NKAIN3: variants seen among roughly 807,000 people sequenced by gnomAD.
The protein encoded by NKAIN3 is sodium/potassium transporting ATPase interacting 3.
In NKAIN3, 25 loss-of-function variants were observed where a neutral mutation model predicts 30.2. The observed-to-expected ratio is 0.83, with a 90% CI of 0.60 to 1.16. The LOEUF is 1.16. NKAIN3 is among the 50% of genes most tolerant of loss of function. The pLI is 0.00. For missense variants in NKAIN3, 225 were observed against 254.1 expected (o/e 0.89, Z 0.78); for synonymous variants, 91 against 89.6 (o/e 1.02, Z -0.09).
intron 1 of NKAIN3, among the ~76,000 whole-genome samples, chr8:62,532,515 T>G (rs1393100810): frequency 1.3e-5 from 2 of 152,222 alleles, no homozygotes; most frequent in Non-Finnish European, 2.9e-5. Context: ...GCTAATCTCT[T>G]TAAGAATTGA....
At chr8:62,609,019 T>C (rs1811208991) in intron 3 of NKAIN3, among the ~76,000 whole-genome samples, 1 of 152,074 alleles carries the variant, frequency 6.6e-6, no homozygotes, top group African/African-American at 2.4e-5. Context: ...CTTTGACTTT[T>C]GTTGCAAACA....
chr8:62,527,260 A>G (rs553521584), intron 1 of NKAIN3, among the ~76,000 whole-genome samples: 9 of 152,276 alleles, frequency 5.9e-5, no homozygotes, highest in African/African-American at 2.2e-4. Context: ...AGCTTTCTAA[A>G]TGGAGCAGAC....
At chr8:62,510,418 C>CATCATTCTT (rs1209726723) in intron 1 of NKAIN3, among the ~76,000 whole-genome samples, 1 of 152,096 alleles carries the variant, frequency 6.6e-6, no homozygotes, top group Non-Finnish European at 1.5e-5. Flanking sequence ...TCTTCCACTC[C>CATCATTCTT]ATCATTCTTA....
chr8:62,426,939 C>T (rs905436130), intron 1 of NKAIN3, among the ~76,000 whole-genome samples: 1 of 152,006 alleles, frequency 6.6e-6, no homozygotes, highest in African/African-American at 2.4e-5. Flanking sequence ...GGTAATATCA[C>T]ACTGGATCCT....
intron 3 of NKAIN3, among the ~76,000 whole-genome samples, chr8:62,629,560 C>T (rs931088796): frequency 6.6e-6 from 1 of 152,018 alleles, no homozygotes; most frequent in Non-Finnish European, 1.5e-5. Context: ...TCACCAAGAA[C>T]AATATTGGCA....
intron 4 of NKAIN3, among the ~76,000 whole-genome samples, chr8:62,888,029 G>T (rs1057080058): frequency 6.6e-6 from 1 of 152,178 alleles, no homozygotes; most frequent in African/African-American, 2.4e-5. Context: ...GTAAGGTGTA[G>T]GGGGAAGTGA....
chr8:62,805,096 G>A (rs1818224952), intron 4 of NKAIN3, among the ~76,000 whole-genome samples: 1 of 152,106 alleles, frequency 6.6e-6, no homozygotes, highest in Non-Finnish European at 1.5e-5. Flanking sequence ...ACCTACAAGG[G>A]ACGTGAAGGA....
intron 3 of NKAIN3, among the ~76,000 whole-genome samples, chr8:62,600,742 T>G (rs1382350317): frequency 6.6e-6 from 1 of 152,058 alleles, no homozygotes; most frequent in Non-Finnish European, 1.5e-5. Flanking sequence ...AGCACCTTAT[T>G]GTCCTCTTTT....
At chr8:62,418,073 A>G (rs1804508324) in intron 1 of NKAIN3, among the ~76,000 whole-genome samples, 1 of 152,178 alleles carries the variant, frequency 6.6e-6, no homozygotes, top group Non-Finnish European at 1.5e-5. Flanking sequence ...CTCCCCAGTT[A>G]CAGCCCTGAT....
intron 3 of NKAIN3, among the ~76,000 whole-genome samples, chr8:62,697,131 G>T (rs1814181553): frequency 6.6e-6 from 1 of 152,108 alleles, no homozygotes; most frequent in South Asian, 2.1e-4. Flanking sequence ...GACCATTGCA[G>T]CCCCTAATCA....
chr8:62,554,286 C>CA (rs1481660201), intron 1 of NKAIN3, among the ~76,000 whole-genome samples: 5 of 152,158 alleles, frequency 3.3e-5, no homozygotes, highest in Non-Finnish European at 5.9e-5. Context: ...AAGAAACTAA[C>CA]TAGTTCTGAA....
intron 4 of NKAIN3, among the ~76,000 whole-genome samples, chr8:62,868,199 C>T (rs929409212): frequency 7.9e-5 from 12 of 152,196 alleles, no homozygotes; most frequent in African/African-American, 2.9e-4. Flanking sequence ...ATTATGAACA[C>T]TTGAGCTTTA....
At chr8:62,645,246 A>G (rs1812426812) in intron 3 of NKAIN3, among the ~76,000 whole-genome samples, 1 of 152,184 alleles carries the variant, frequency 6.6e-6, no homozygotes, top group Non-Finnish European at 1.5e-5. Flanking sequence ...GGCAAAGCCA[A>G]ATCTGCAGTT....
intron 1 of NKAIN3, among the ~76,000 whole-genome samples, chr8:62,477,752 C>T (rs1563416363): frequency 6.6e-6 from 1 of 151,934 alleles, no homozygotes; most frequent in African/African-American, 2.4e-5. Flanking sequence ...ATGTAATCAA[C>T]AAGGCAAGAA....
At chr8:62,356,059 G>A (rs933887438) in intron 1 of NKAIN3, among the ~76,000 whole-genome samples, 8 of 152,232 alleles carry the variant, frequency 5.3e-5, no homozygotes, top group Middle Eastern at 3.4e-3. Flanking sequence ...CCTAAATCCA[G>A]GTCACATTTC....
At chr8:62,342,892 A>T (rs1292300006) in intron 1 of NKAIN3, among the ~76,000 whole-genome samples, 2 of 152,070 alleles carry the variant, frequency 1.3e-5, no homozygotes, top group Non-Finnish European at 1.5e-5. Context: ...AGCAAAGCAC[A>T]CTTTAATATA....
At chr8:62,423,069 A>G (rs1389998303) in intron 1 of NKAIN3, among the ~76,000 whole-genome samples, 1 of 152,070 alleles carries the variant, frequency 6.6e-6, no homozygotes. Context: ...GGTAGCTGGG[A>G]AAAACCATAG....
intron 1 of NKAIN3, among the ~76,000 whole-genome samples, chr8:62,456,402 C>A (rs1417039225): frequency 6.6e-6 from 1 of 152,020 alleles, no homozygotes; most frequent in African/African-American, 2.4e-5. Context: ...GCCTGTAGTC[C>A]CAGCTACTTG....
rs140042857 is a variant in NKAIN3, at chr8:62,652,271, A to G, written c.273+62477A>G. ...TGGCAATTTTTATGGCAGATCCACAATGTCATTCAACACTTTATGTGATAT... is the reference window on the plus strand; with the variant it reads ...TGGCAATTTTTATGGCAGATCCACAGTGTCATTCAACACTTTATGTGATAT... On this transcript the variant is annotated intron_variant, in intron 3 of 6. Coordinates refer to ENST00000623646, the MANE Select transcript of NKAIN3 (RefSeq NM_001304533.3). Among the ~76,000 whole-genome samples the G allele has an allele frequency of 5.6e-4, 86 of 152,238 alleles. No individual in the cohort carries two copies. The East Asian group carries it at 0.014, about 25-fold the overall frequency.
Sources: allele counts gnomAD v4.1 joint callset (sites outside exome capture counted in the v4.1 genomes callset), GRCh38; gene constraint gnomAD v4.1.1; transcripts MANE v1.5; gene names NCBI Gene and HGNC (gene_info 2026-07-23, HGNC 2026-07-21).